The following ABLIM2 variants were observed in gnomAD, a reference collection of about 807,000 sequenced individuals.
ABLIM2 encodes the protein actin binding LIM protein family member 2.
A neutral mutation model predicts 97.7 loss-of-function variants in ABLIM2; 53 were observed. The observed-to-expected ratio is 0.54, with a 90% CI of 0.44 to 0.68. The LOEUF is 0.68. Among genes scored for constraint, ABLIM2 ranks in the 30% least tolerant of loss-of-function variants. The pLI is 0.00. For synonymous variants in ABLIM2, 361 were observed against 345.8 expected (o/e 1.04, Z -0.49); for missense variants, 835 against 867.2 (o/e 0.96, Z 0.47).
chr4:8,049,250 G>A (rs1048324708), intron 8 of ABLIM2, among the ~76,000 whole-genome samples: 9 of 152,334 alleles, frequency 5.9e-5, no homozygotes, highest in South Asian at 4.1e-4. Flanking sequence ...TAGGTGCTTC[G>A]TGGCTTGTGT....
intron 8 of ABLIM2, among the ~76,000 whole-genome samples, chr4:8,048,102 G>C (rs990460844): frequency 1.3e-5 from 2 of 152,220 alleles, no homozygotes; most frequent in Non-Finnish European, 2.9e-5. Flanking sequence ...GGGTCTAGGC[G>C]GGGCAGCCAG....
intron 6 of ABLIM2, among the ~76,000 whole-genome samples, chr4:8,076,631 G>C (rs1432617733): frequency 6.6e-6 from 1 of 151,750 alleles, no homozygotes; most frequent in African/African-American, 2.4e-5. Flanking sequence ...AGACCCCCCT[G>C]GTCACCTGTC....
rs1758151764 is a variant in ABLIM2, at chr4:8,002,849, C to G, written c.1618+5210G>C. ...CGGAATGCTCTCCCCCATATACCGG[C>G]CCTATTCAAGTGTACACCCACTTCA... On this transcript the variant is annotated intron_variant, in intron 16 of 20. Transcript: ENST00000447017. The surrounding 1 kb of genome is among the most constrained non-coding windows in gnomAD (Gnocchi z 6.1). Among the ~76,000 whole-genome samples the G allele has an allele frequency of 6.6e-6, 1 of 152,194 alleles. No homozygotes were observed. The highest frequency in any genetic ancestry group is 1.5e-5 in the Non-Finnish European group (1 of 68,042).
chr4:8,106,360 G>A, intron 2 of ABLIM2, 134 bp downstream of exon 2: 6 of 1,257,686 alleles, frequency 4.8e-6, no homozygotes, highest in South Asian at 1.5e-5. Flanking sequence ...ACTCTCCTCT[G>A]AAGATTCTGT....
rs192893075 is a variant in ABLIM2, at chr4:8,132,018, G to T, written c.11-25381C>A. Among the ~76,000 whole-genome samples, 3 of 151,462 alleles carry T rather than the reference G, an allele frequency of 2.0e-5. No homozygotes were observed. The highest frequency in any genetic ancestry group is 4.4e-5 in the Non-Finnish European group (3 of 67,986). On this transcript the variant is annotated intron_variant, in intron 1 of 20. Coordinates refer to ENST00000447017, the MANE Select transcript of ABLIM2 (RefSeq NM_001130083.2). This position sits in a 1 kb window ranked among gnomAD's most constrained non-coding sequence, Gnocchi z 8.0. ...CCCTGCACAGCAGCCCGCATCCCCT[G>T]CACGGCAGCCTGCATCCCCGAGCAC... is the stretch of plus-strand genomic sequence containing the variant.
chr4:7,988,525 C>T (rs917179549), intron 17 of ABLIM2, among the ~76,000 whole-genome samples: 1 of 152,302 alleles, frequency 6.6e-6, no homozygotes, highest in Admixed American at 6.5e-5. Flanking sequence ...ACTGAAATTG[C>T]TAATAGGAAT....
At chr4:8,096,448 C>T (rs1279680073) in intron 3 of ABLIM2, among the ~76,000 whole-genome samples, 2 of 152,162 alleles carry the variant, frequency 1.3e-5, no homozygotes, top group Admixed American at 1.3e-4. Context: ...TCAGGTCACG[C>T]TACGATGACA....
intron 14 of ABLIM2, among the ~76,000 whole-genome samples, chr4:8,018,519 T>C (rs541046663): frequency 6.6e-6 from 1 of 152,338 alleles, no homozygotes; most frequent in Non-Finnish European, 1.5e-5. Flanking sequence ...GTAGAAGCCA[T>C]CATTTCTGGA....
Position 8,072,910 on chromosome 4 carries a change from T to C in ABLIM2, c.675+4718A>G, listed in dbSNP as rs371954937. Among the ~76,000 whole-genome samples, 9 of 152,016 alleles carry C rather than the reference T, an allele frequency of 5.9e-5. No homozygotes were observed. The highest frequency in any genetic ancestry group is 3.2e-3 in the Middle Eastern group (1 of 316). On this transcript the variant is annotated intron_variant, in intron 6 of 20. Coordinates refer to ENST00000447017, the MANE Select transcript of ABLIM2 (RefSeq NM_001130083.2). The surrounding 1 kb of genome is among the most constrained non-coding windows in gnomAD (Gnocchi z 5.8). Reference sequence around the variant, plus strand: ...GTCGGTAAGAGGAGGCTTAAAGGCCTTAGGGTTTCCTGCACACAAAGCCCC... The same window carrying C: ...GTCGGTAAGAGGAGGCTTAAAGGCCCTAGGGTTTCCTGCACACAAAGCCCC...
chr4:7,984,295 C>A (rs979837571), intron 18 of ABLIM2, among the ~76,000 whole-genome samples: 1 of 152,136 alleles, frequency 6.6e-6, no homozygotes, highest in Non-Finnish European at 1.5e-5. Context: ...TGATGCTCTC[C>A]GTCCCCATGC....
At position 8,128,219 on chromosome 4, in the gene ABLIM2, G is replaced by A. The variant is rs558332134; in HGVS notation, c.11-21582C>T. On this transcript the variant is annotated intron_variant, in intron 1 of 20. Coordinates refer to ENST00000447017, the MANE Select transcript of ABLIM2 (RefSeq NM_001130083.2). The surrounding 1 kb of genome is among the most constrained non-coding windows in gnomAD (Gnocchi z 4.9). ...CTGCGTGTCCTTTTTAGTCTCTTAT[G>A]AGGACACCAGTCACTGCATTTGGGG... is the stretch of plus-strand genomic sequence containing the variant. Among the ~76,000 whole-genome samples, 4 of 152,248 alleles carry A rather than the reference G, an allele frequency of 2.6e-5. No homozygotes were observed. The East Asian group carries it at 7.7e-4, about 29-fold the overall frequency.
chr4:8,066,295 G>C (rs1209149942), intron 6 of ABLIM2, among the ~76,000 whole-genome samples: 1 of 135,692 alleles, frequency 7.4e-6, no homozygotes, highest in Non-Finnish European at 1.6e-5. Flanking sequence ...AACAGAGAGA[G>C]ACTATGTCTC....
chr4:8,061,450 A>G lies in ABLIM2; in HGVS notation c.676-396T>C, dbSNP rs1803034332. Among the ~76,000 whole-genome samples, 1 of 152,048 alleles carries G rather than the reference A, an allele frequency of 6.6e-6. No homozygotes were observed. Among genetic ancestry groups the G allele is most frequent in the South Asian group, 2.1e-4 (1 of 4,824 alleles). ...GAGAGGGAGGGGAGGGAAAGATAAT[A>G]TGATTTCCCTAGGTGCAAGAATTAG... On this transcript the variant is annotated intron_variant, in intron 6 of 20. Coordinates refer to ENST00000447017, the MANE Select transcript of ABLIM2 (RefSeq NM_001130083.2). This position sits in a 1 kb window ranked among gnomAD's most constrained non-coding sequence, Gnocchi z 4.5.
At chr4:8,133,265 T>A (rs959590277) in intron 1 of ABLIM2, among the ~76,000 whole-genome samples, 3 of 152,210 alleles carry the variant, frequency 2.0e-5, no homozygotes, top group African/African-American at 7.2e-5. Flanking sequence ...TAAGGTCACA[T>A]GCAGAGGGGT....
intron 1 of ABLIM2, among the ~76,000 whole-genome samples, chr4:8,109,184 C>T (rs1004548640): frequency 6.7e-6 from 1 of 150,322 alleles, no homozygotes; most frequent in African/African-American, 2.4e-5. Context: ...GTCTGCCTGG[C>T]GTATAGGCTG....
At chr4:8,036,316 G>A in intron 9 of ABLIM2, 21 bp from the exon 10 acceptor site, 2 of 1,612,052 alleles carry the variant, frequency 1.2e-6, no homozygotes, top group Non-Finnish European at 8.5e-7. Context: ...AAAGAGAATT[G>A]GGGAGGGGAC....
chr4:7,993,639 T>C (rs547415261), intron 16 of ABLIM2, among the ~76,000 whole-genome samples: 110 of 152,276 alleles, frequency 7.2e-4, no homozygotes, highest in Non-Finnish European at 1.2e-3. Flanking sequence ...CTCACACCAC[T>C]GCACTGCAGC....
intron 20 of ABLIM2, among the ~76,000 whole-genome samples, chr4:7,982,222 C>T (rs28653042): frequency 0.17 from 25,558 of 151,152 alleles, 2,701 homozygotes; most frequent in East Asian, 0.5. Flanking sequence ...GCAGAGGGAG[C>T]CACTGCCTGG....
intron 10 of ABLIM2, among the ~76,000 whole-genome samples, chr4:8,031,928 T>C (rs990310955): frequency 1.3e-5 from 2 of 151,942 alleles, no homozygotes; most frequent in African/African-American, 4.8e-5. Flanking sequence ...TTTCACTATG[T>C]TTTGGCCAGG....
Sources: gnomAD v4.1 joint callset for allele counts (sites outside exome capture counted in the v4.1 genomes callset) on GRCh38, gnomAD v4.1.1 for gene constraint, Gnocchi (gnomAD v3.1) non-coding constraint, MANE v1.5 for transcripts, NCBI Gene and HGNC (gene_info 2026-07-23, HGNC 2026-07-21) for gene names.